Variants in DSCAML1 observed in about 807,000 individuals in gnomAD.
The protein encoded by DSCAML1 is DS cell adhesion molecule like 1.
DSCAML1 carries 38 observed loss-of-function variants against 200.5 expected under a neutral mutation model. That is an observed-to-expected ratio of 0.19 (90% confidence interval 0.15 to 0.25). The LOEUF is 0.25. Ranked by LOEUF, DSCAML1 falls within the 10% of genes least tolerant of loss-of-function variation. The pLI is 1.00. For missense variants in DSCAML1, 2,223 were observed against 2,858.8 expected (o/e 0.78, Z 5.07); for synonymous variants, 1,215 against 1,165.0 (o/e 1.04, Z -0.87).
At position 117,503,270 on chromosome 11, in the gene DSCAML1, C is replaced by T. The variant is rs1204692313; in HGVS notation, c.2359+575G>A. Among the ~76,000 whole-genome samples, 1 of 152,210 alleles carries T rather than the reference C, an allele frequency of 6.6e-6. No individual in the cohort carries two copies. Among genetic ancestry groups the T allele is most frequent in the Non-Finnish European group, 1.5e-5 (1 of 68,008 alleles). On this transcript the variant is annotated intron_variant, in intron 11 of 32. Transcript: ENST00000651296. This position sits in a 1 kb window ranked among gnomAD's most constrained non-coding sequence, Gnocchi z 5.2. Reference sequence around the variant, plus strand: ...CTCCTCTTTCCAAGATCAGTTCCTGCAGGACTCACAACAATTTTGTGAGAT... The same window carrying T: ...CTCCTCTTTCCAAGATCAGTTCCTGTAGGACTCACAACAATTTTGTGAGAT...
At chr11:117,450,499 CCTTTT>C (rs776587472) in intron 20 of DSCAML1, 45 bp downstream of exon 20, 8 of 1,592,984 alleles carry the variant, frequency 5.0e-6, no homozygotes, top group Non-Finnish European at 6.8e-6. Flanking sequence ...GTACAAGGTC[CCTTTT>C]CTTTTCTTCC....
chr11:117,755,915 C>T, intron 3 of DSCAML1, among the ~76,000 whole-genome samples: 1 of 152,132 alleles, frequency 6.6e-6, no homozygotes, highest in African/African-American at 2.4e-5. Flanking sequence ...ATACCCACTA[C>T]CATCAGCAGC....
chr11:117,551,220 T>A (rs2050461605), intron 3 of DSCAML1, among the ~76,000 whole-genome samples: 1 of 152,204 alleles, frequency 6.6e-6, no homozygotes, highest in Admixed American at 6.5e-5. Context: ...AACAAAAAGT[T>A]TGGGGATATA....
At chr11:117,620,231 G>A (rs371576405) in intron 3 of DSCAML1, among the ~76,000 whole-genome samples, 1 of 152,042 alleles carries the variant, frequency 6.6e-6, no homozygotes, top group African/African-American at 2.4e-5. Context: ...AGCTCCAGCC[G>A]GCCATGATCC....
intron 3 of DSCAML1, among the ~76,000 whole-genome samples, chr11:117,663,312 C>G (rs960737413): frequency 1.3e-5 from 2 of 152,182 alleles, no homozygotes; most frequent in Non-Finnish European, 2.9e-5. Flanking sequence ...TTGCTCCCAC[C>G]TTTCCCCCAA....
At chr11:117,724,910 G>C (rs1164136735) in intron 3 of DSCAML1, among the ~76,000 whole-genome samples, 1 of 152,190 alleles carries the variant, frequency 6.6e-6, no homozygotes, top group Admixed American at 6.5e-5. Flanking sequence ...GCAGCAGGAG[G>C]ACCCCAGGTT....
At chr11:117,801,666 G>A (rs557911012), upstream of DSCAML1, 1 of 152,332 alleles carries the variant, frequency 6.6e-6, no homozygotes, top group South Asian at 2.1e-4. Context: ...AAGATGTCTA[G>A]GTATGCTTGC....
At chr11:117,734,495 TC>T (rs141056656) in intron 3 of DSCAML1, among the ~76,000 whole-genome samples, 253 of 152,328 alleles carry the variant, frequency 1.7e-3, no homozygotes, top group African/African-American at 5.7e-3. Flanking sequence ...TTGGGCCACC[TC>T]GGGCTCTCCC....
At chr11:117,543,054 A>T (rs891435776) in intron 3 of DSCAML1, among the ~76,000 whole-genome samples, 2 of 152,198 alleles carry the variant, frequency 1.3e-5, no homozygotes, top group African/African-American at 4.8e-5. Context: ...CCAGGGCCAC[A>T]GTAGGTGGGT....
At chr11:117,547,482 C>T (rs2050395163) in intron 3 of DSCAML1, among the ~76,000 whole-genome samples, 1 of 87,690 alleles carries the variant, frequency 1.1e-5, no homozygotes, top group Non-Finnish European at 2.7e-5. Flanking sequence ...GACCGCCCTA[C>T]ACCCTACACC....
Position 117,504,095 on chromosome 11 carries a change from T to G in DSCAML1, c.2183-74A>C. ...GCTGAGAGTGCCCCAGGAGTGGCCC[T>G]GACACCTCGCTCTTGCAGATCTAGG... On this transcript the variant is annotated intron_variant, in intron 10 of 32. Coordinates refer to ENST00000651296, the MANE Select transcript of DSCAML1 (RefSeq NM_020693.4). This position sits in a 1 kb window ranked among gnomAD's most constrained non-coding sequence, Gnocchi z 5.0. 1 of 1,533,566 alleles carries G rather than the reference T, an allele frequency of 6.5e-7. No homozygotes were observed. The highest frequency in any genetic ancestry group is 2.3e-5 in the East Asian group (1 of 44,198). The allele number at this position is 1,533,566 out of a possible 1,614,324, so 95.0% of individuals were successfully genotyped here. A position where few individuals can be genotyped will look rare whatever the true frequency, so the allele number is the denominator to read the frequency against.
intron 16 of DSCAML1, among the ~76,000 whole-genome samples, chr11:117,466,236 G>C (rs2048577519): frequency 6.6e-6 from 1 of 152,208 alleles, no homozygotes; most frequent in South Asian, 2.1e-4. Flanking sequence ...GAATACGATA[G>C]TGCAATACAA....
chr11:117,780,514 G>A lies in DSCAML1; in HGVS notation c.343C>T (p.Pro115Ser). The A allele has an allele frequency of 6.9e-7, 1 of 1,449,990 alleles. No individual in the cohort carries two copies. 89.8% of individuals were successfully genotyped at this position (1,449,990 alleles called of 1,614,324 possible). A position where few individuals can be genotyped will look rare whatever the true frequency, so the allele number is the denominator to read the frequency against. The change falls in exon 2 of 33, where the codon CCC (proline) becomes TCC (serine). Residue 115 changes from proline (P) to serine (S), a missense_variant. Coordinates refer to ENST00000651296, the MANE Select transcript of DSCAML1 (RefSeq NM_020693.4). This position sits in a 1 kb window ranked among gnomAD's most constrained non-coding sequence, Gnocchi z 4.8. ...TTACCTGCTTTGACGCGGATGTTGG[G>A]GCTCCGGATCTTGCCGGCAGCGTTC... ...AENAAGKIRSPNIRVKAVFRE... is the reference protein window; with the variant it reads ...AENAAGKIRSSNIRVKAVFRE...
At chr11:117,547,216 C>T (rs2137381943) in intron 3 of DSCAML1, among the ~76,000 whole-genome samples, 1 of 152,316 alleles carries the variant, frequency 6.6e-6, no homozygotes, top group South Asian at 2.1e-4. Flanking sequence ...CTCCCCAGAG[C>T]CCCCACCCCC....
Position 117,437,809 on chromosome 11 carries a change from G to C in DSCAML1, c.4432+86C>G. The C allele has an allele frequency of 7.3e-7, 1 of 1,376,844 alleles. No individual in the cohort carries two copies. The highest frequency in any genetic ancestry group is 9.6e-7 in the Non-Finnish European group (1 of 1,041,726). 85.3% of individuals were successfully genotyped at this position (1,376,844 alleles called of 1,614,324 possible). On this transcript the variant is annotated intron_variant, in intron 25 of 32. Coordinates refer to ENST00000651296, the MANE Select transcript of DSCAML1 (RefSeq NM_020693.4). The surrounding 1 kb of genome is among the most constrained non-coding windows in gnomAD (Gnocchi z 5.3). Reference sequence around the variant, plus strand: ...CCTGGACCCCTCCTTCCCCACCCCAGCCACCTTACACCCCATACCTGGCCC... The same window carrying C: ...CCTGGACCCCTCCTTCCCCACCCCACCCACCTTACACCCCATACCTGGCCC...
rs267602709 is a variant in DSCAML1 at position 117,450,621 on chromosome 11, G to C, written c.3636C>G (p.Leu1212=). The change falls in exon 20 of 33, where the codon CTC becomes CTG. Residue 1212 remains leucine, a synonymous_variant. Coordinates refer to ENST00000651296, the MANE Select transcript of DSCAML1 (RefSeq NM_020693.4). ...SSASSVVVSW[L]PPTKPNGVIR... is the part of the protein sequence containing the mutation. ...TCACCCCGTTGGGCTTGGTAGGGGG[G>C]AGCCAAGACACAACCACACTGCTAG... The C allele has an allele frequency of 1.2e-6, 2 of 1,614,216 alleles. No homozygotes were observed. The highest frequency in any genetic ancestry group is 2.2e-5 in the East Asian group (1 of 44,878).
At position 117,584,023 on chromosome 11, in the gene DSCAML1, G is replaced by T. The variant is rs371234824; in HGVS notation, c.512-51501C>A. Among the ~76,000 whole-genome samples, 27 of 152,252 alleles carry T rather than the reference G, an allele frequency of 1.8e-4. No homozygotes were observed. The South Asian group carries it at 2.7e-3, about 15-fold the overall frequency. On this transcript the variant is annotated intron_variant, in intron 3 of 32. Transcript: ENST00000651296. ...GGGGGTCATCTCCTCACGGCCAAAG[G>T]CCAAGTCTGCTTTGTGGAGATTTTC...
At chr11:117,569,177 C>T (rs2050805991) in intron 3 of DSCAML1, among the ~76,000 whole-genome samples, 1 of 152,268 alleles carries the variant, frequency 6.6e-6, no homozygotes, top group African/African-American at 2.4e-5. Context: ...ATGTAGAAAG[C>T]TGAAACTGGA....
intron 3 of DSCAML1, among the ~76,000 whole-genome samples, chr11:117,605,329 C>T (rs930264088): frequency 6.6e-6 from 1 of 152,144 alleles, no homozygotes; most frequent in African/African-American, 2.4e-5. Context: ...CATGCCCGCA[C>T]CTCCTGAGCT....
Sources: allele counts gnomAD v4.1 joint callset (sites outside exome capture counted in the v4.1 genomes callset), GRCh38; gene constraint gnomAD v4.1.1; non-coding constraint Gnocchi (gnomAD v3.1); transcripts MANE v1.5; gene names NCBI Gene and HGNC (gene_info 2026-07-23, HGNC 2026-07-21).